Variants in PTPN3 observed in about 807,000 individuals in gnomAD.
The protein encoded by PTPN3 is tyrosine-protein phosphatase non-receptor type 3.
In PTPN3, 96 loss-of-function variants were observed where a neutral mutation model predicts 132.7. The ratio of observed to expected loss-of-function variants is 0.72; its 90% confidence interval spans 0.61 to 0.86. The LOEUF (loss-of-function observed/expected upper bound fraction) is 0.86, where lower values mean the gene tolerates loss of function less well. Ranked by LOEUF, PTPN3 falls within the 40% of genes least tolerant of loss-of-function variation. The pLI, the probability that PTPN3 is intolerant of heterozygous loss-of-function variation, is 0.00. For synonymous variants in PTPN3, 398 were observed against 429.0 expected, an observed-to-expected ratio of 0.93 and a Z score of 0.89; for missense variants, 1,125 against 1,159.6, an observed-to-expected ratio of 0.97 and a Z score of 0.43.
At chr9:109,483,829 T>C (rs1052593617) in intron 1 of PTPN3, among the ~76,000 whole-genome samples, 1 of 152,150 alleles carries the variant, frequency 6.6e-6, no homozygotes, top group Non-Finnish European at 1.5e-5. Flanking sequence ...GTGCGTGTTT[T>C]TTCCCTACCT....
chr9:109,426,895 C>A, intron 12 of PTPN3, 55 bp downstream of exon 12: 1 of 1,515,052 alleles, frequency 6.6e-7, no homozygotes. Flanking sequence ...CACTGATGAC[C>A]AGGATGCATT....
the PTPN3 span, among the ~76,000 whole-genome samples, chr9:109,535,567 A>G: frequency 6.6e-6 from 1 of 151,560 alleles, no homozygotes; most frequent in Non-Finnish European, 1.5e-5. Context: ...GAGTGTAATC[A>G]CGTGATCTCA....
In PTPN3 at chr9:109,391,145, T is replaced by C. The variant is rs1840051365; in HGVS notation, c.2099A>G (p.Tyr700Cys). 1 of 1,613,238 alleles carries C rather than the reference T, an allele frequency of 6.2e-7. No homozygotes were observed. Among genetic ancestry groups the C allele is most frequent in the Non-Finnish European group, 8.5e-7 (1 of 1,179,342 alleles). Reference protein sequence around the residue: ...QGNEDYINASYVNMEIPAANL... With the variant: ...QGNEDYINASCVNMEIPAANL... ...TCCAGATTCCTAACTTACGTTCACG[T>C]AACTTGCATTAATATAATCTTCATT... The change falls in exon 21 of 26, where the codon TAC (tyrosine) becomes TGC (cysteine). Residue 700 changes from tyrosine to cysteine, a missense_variant. By Grantham distance (194) the Tyr-to-Cys change is radical (BLOSUM62 -2). Transcript: ENST00000374541.
At chr9:109,414,307 G>A (rs562342788) in intron 14 of PTPN3, among the ~76,000 whole-genome samples, 16 of 152,246 alleles carry the variant, frequency 1.1e-4, no homozygotes, top group Non-Finnish European at 2.4e-4. Flanking sequence ...GCTGAATGCA[G>A]AGTATGATTC....
At position 109,379,447 on chromosome 9, in the gene PTPN3, A is replaced by C. The variant is rs1322530978; in HGVS notation, c.*109T>G. The C allele has an allele frequency of 2.0e-6, 2 of 993,540 alleles. No homozygotes were observed. Among genetic ancestry groups the C allele is most frequent in the African/African-American group, 3.2e-5 (2 of 62,370 alleles). The allele number at this position is 993,540 out of a possible 1,614,324, so 61.5% of individuals were successfully genotyped here. A position where few individuals can be genotyped will look rare whatever the true frequency, so the allele number is the denominator to read the frequency against. On this transcript the variant is annotated 3_prime_UTR_variant, in exon 26 of 26. Transcript: ENST00000374541. Reference sequence around the variant, plus strand: ...AAAGTGCCTGGGTTCAGAGGTGCCCATTCCTTTCCCACAGCTACTGGTTCC... The same window carrying C: ...AAAGTGCCTGGGTTCAGAGGTGCCCCTTCCTTTCCCACAGCTACTGGTTCC...
chr9:109,473,828 C>T (rs1195762544), intron 1 of PTPN3, among the ~76,000 whole-genome samples: 2 of 152,188 alleles, frequency 1.3e-5, no homozygotes, highest in Non-Finnish European at 2.9e-5. Flanking sequence ...CTTCCAGACA[C>T]TCCCTTCCAC....
intron 19 of PTPN3, among the ~76,000 whole-genome samples, chr9:109,398,948 A>G (rs1840824600): frequency 6.6e-6 from 1 of 152,204 alleles, no homozygotes; most frequent in Non-Finnish European, 1.5e-5. Context: ...TGTGAACCCC[A>G]ATTCTGCTCC....
chr9:109,434,505 A>G (rs1588420490), intron 9 of PTPN3, among the ~76,000 whole-genome samples: 1 of 152,118 alleles, frequency 6.6e-6, no homozygotes. Context: ...ATGGGGTCAC[A>G]CTATGTTGCC....
chr9:109,528,042 A>G, the PTPN3 span, among the ~76,000 whole-genome samples: 4 of 152,238 alleles, frequency 2.6e-5, no homozygotes, highest in Non-Finnish European at 5.9e-5. Context: ...GGCTAATGCA[A>G]TTTAAAAGCA....
chr9:109,437,970 AC>A lies in PTPN3; in HGVS notation c.587+143del. On this transcript the variant is annotated intron_variant, in intron 8 of 25. Transcript: ENST00000374541. ...TTATGCCAAATATATCTGCCACCATACCAGCTCAAAGGTTCAAAAACCCCCG... is the reference window on the plus strand; with the variant it reads ...TTATGCCAAATATATCTGCCACCATACAGCTCAAAGGTTCAAAAACCCCCG... The A allele has an allele frequency of 3.1e-6, 3 of 979,968 alleles. No individual in the cohort carries two copies. In the South Asian group the frequency reaches 7.3e-5, roughly 24 times the overall value. 60.7% of individuals were successfully genotyped at this position (979,968 alleles called of 1,614,324 possible).
intron 5 of PTPN3, chr9:109,450,157 T>C (rs1845155645): frequency 1.0e-6 from 1 of 984,602 alleles, no homozygotes; most frequent in African/African-American, 1.7e-5. Context: ...ACTCTAATAT[T>C]ATTACTTTGA....
At position 109,378,355 on chromosome 9, in the gene PTPN3, G is replaced by T. The variant is rs772475757; in HGVS notation, c.*1201C>A. 6.6e-6 allele frequency: 1 copy of T among 152,566 alleles called. No homozygotes were observed. The highest frequency in any genetic ancestry group is 2.4e-5 in the African/African-American group (1 of 41,422). The allele number at this position is 152,566 out of a possible 1,614,324, so 9.5% of individuals were successfully genotyped here. ...AATTCTTTAGGACAATCAAAATGAT[G>T]GTGTTCTTAGAATAAATTAACATCA... On this transcript the variant is annotated 3_prime_UTR_variant, in exon 26 of 26. Coordinates refer to ENST00000374541, the MANE Select transcript of PTPN3 (RefSeq NM_002829.4).
intron 23 of PTPN3, 119 bp downstream of exon 23, chr9:109,383,300 CACTT>C (rs1328409712): frequency 1.9e-6 from 3 of 1,541,762 alleles, no homozygotes; most frequent in Non-Finnish European, 2.7e-6. Flanking sequence ...CAGTCTTGCG[CACTT>C]ACTGACACGC....
chr9:109,437,598 CAT>C (rs1266931764), intron 8 of PTPN3, among the ~76,000 whole-genome samples: 1 of 152,132 alleles, frequency 6.6e-6, no homozygotes, highest in Non-Finnish European at 1.5e-5. Flanking sequence ...CAGAATTGGG[CAT>C]ATGTGTTGGA....
chr9:109,406,738 C>T (rs186815444), intron 17 of PTPN3, 120 bp from the exon 18 acceptor site: 103 of 1,236,552 alleles, frequency 8.3e-5, no homozygotes, highest in Non-Finnish European at 1.0e-4. Flanking sequence ...TTCTCTCCCT[C>T]GGGTAGTACT....
At chr9:109,532,847 G>A in the PTPN3 span, 1 of 1,057,716 alleles carries the variant, frequency 9.5e-7, no homozygotes, top group Non-Finnish European at 1.2e-6. Context: ...GCCCCGCCCT[G>A]CTTAGCCTCG....
rs11370244 is a variant in PTPN3, at chr9:109,391,878, G to GT, written c.1954-318_1954-317insA. On this transcript the variant is annotated intron_variant, in intron 19 of 25. Transcript: ENST00000374541. Reference sequence around the variant, plus strand: ...CTAAAAGCAACTAGATGTGGGGGGGGGGGGGAAGAATTCTGGCTCAAAATT... The same window carrying GT: ...CTAAAAGCAACTAGATGTGGGGGGGGTGGGGGAAGAATTCTGGCTCAAAATT... Among the ~76,000 whole-genome samples, 833 of 99,506 alleles carry GT rather than the reference G, an allele frequency of 8.4e-3. 94 individuals carry two copies. Among genetic ancestry groups the GT allele is most frequent in the African/African-American group, 0.029 (750 of 25,496 alleles). 65.3% of individuals were successfully genotyped at this position (99,506 alleles called of 152,430 possible). A position where few individuals can be genotyped will look rare whatever the true frequency, so the allele number is the denominator to read the frequency against.
chr9:109,532,234 A>G, the PTPN3 span, among the ~76,000 whole-genome samples: 1 of 152,210 alleles, frequency 6.6e-6, no homozygotes, highest in Admixed American at 6.5e-5. Context: ...TACACTAACT[A>G]CAAGATGGAG....
chr9:109,390,218 G>A (rs1474349912), intron 21 of PTPN3, among the ~76,000 whole-genome samples: 2 of 152,156 alleles, frequency 1.3e-5, no homozygotes, highest in East Asian at 3.9e-4. Context: ...TAGATGCTTT[G>A]GAACAGGTGG....
Sources: allele counts gnomAD v4.1 joint callset (sites outside exome capture counted in the v4.1 genomes callset), GRCh38; gene constraint gnomAD v4.1.1; transcripts MANE v1.5; gene names NCBI Gene and HGNC (gene_info 2026-07-23, HGNC 2026-07-21).